The following PAK3 variants were observed in gnomAD, a reference collection of about 807,000 sequenced individuals.
PAK3 encodes serine/threonine-protein kinase PAK 3.
PAK3 carries 4 observed loss-of-function variants against 41.0 expected under a neutral mutation model. The observed-to-expected ratio is 0.10, with a 90% CI of 0.05 to 0.22. The LOEUF is 0.22. Among genes scored for constraint, PAK3 ranks in the 10% least tolerant of loss-of-function variants. The pLI is 1.00. For missense variants in PAK3, 205 were observed against 409.9 expected, an observed-to-expected ratio of 0.50 and a Z score of 4.32; for synonymous variants, 146 against 139.6, an observed-to-expected ratio of 1.05 and a Z score of -0.32.
At chrX:111,126,151 T>TGATA (rs2093645647) in intron 5 of PAK3, among the ~76,000 whole-genome samples, 1 of 111,793 alleles carries the variant, frequency 8.9e-6, no homozygotes, top group African/African-American at 3.2e-5. Flanking sequence ...CCATAATGAG[T>TGATA]GATAGATACA....
At chrX:111,048,286 G>A (rs1356732668) in intron 1 of PAK3, among the ~76,000 whole-genome samples, 1 of 110,229 alleles carries the variant, frequency 9.1e-6, no homozygotes. Flanking sequence ...CACACCCGAC[G>A]GCTCAGTTCT....
chrX:111,067,640 A>T (rs764439445), intron 1 of PAK3, among the ~76,000 whole-genome samples: 8 of 111,981 alleles, frequency 7.1e-5, no homozygotes, highest in African/African-American at 2.6e-4. Context: ...TGAGATGATT[A>T]TGTGATTTGT....
intron 4 of PAK3, 84 bp from the exon 5 acceptor site, chrX:111,122,993 T>C: frequency 1.6e-6 from 1 of 615,208 alleles, no homozygotes; most frequent in South Asian, 2.2e-5. Context: ...ATGCTTTTGT[T>C]TCTAAGATGT....
chrX:111,166,329 C>G (rs12010763), intron 10 of PAK3, among the ~76,000 whole-genome samples: 17,078 of 111,036 alleles, frequency 0.15, 2,724 homozygotes, highest in African/African-American at 0.49. Context: ...TGAGAGATAA[C>G]GTCTGGCTCT....
At chrX:111,096,562 C>T (rs948368284) in intron 1 of PAK3, 147 bp downstream of exon 1, 4 of 111,032 alleles carry the variant, frequency 3.6e-5, no homozygotes, top group African/African-American at 1.3e-4. Context: ...TCCTACGTGG[C>T]TCCCCGGAGC....
intron 1 of PAK3, among the ~76,000 whole-genome samples, chrX:110,979,291 CTTTTCTTTTTT>C (rs1475368790): frequency 1.3e-3 from 26 of 19,823 alleles, no homozygotes; most frequent in South Asian, 0.024. Flanking sequence ...TTCTCTATTA[CTTTTCTTTTTT>C]TTTTTTTTTT....
intron 1 of PAK3, among the ~76,000 whole-genome samples, chrX:110,981,990 A>T (rs1432203124): frequency 9.0e-6 from 1 of 111,055 alleles, no homozygotes; most frequent in Non-Finnish European, 1.9e-5. Context: ...AATTGGGATA[A>T]TGCTGGCAGA....
At chrX:111,084,477 A>T (rs761308488) in intron 1 of PAK3, among the ~76,000 whole-genome samples, 19 of 112,809 alleles carry the variant, frequency 1.7e-4, no homozygotes, top group Non-Finnish European at 3.4e-4. Context: ...AACTGTGAGG[A>T]GGGTTTAAAC....
intron 1 of PAK3, among the ~76,000 whole-genome samples, chrX:110,962,037 C>T (rs1331754901): frequency 8.9e-6 from 1 of 111,970 alleles, no homozygotes; most frequent in Admixed American, 9.5e-5. Context: ...TGAGGAATCT[C>T]TTCTTACTAG....
chrX:111,131,241 A>G (rs2093712881), intron 5 of PAK3, among the ~76,000 whole-genome samples: 1 of 111,606 alleles, frequency 9.0e-6, no homozygotes, highest in African/African-American at 3.3e-5. Flanking sequence ...AATATGGAAT[A>G]TTAAAATAGA....
intron 1 of PAK3, among the ~76,000 whole-genome samples, chrX:111,051,526 C>T (rs1049168915): frequency 9.0e-6 from 1 of 111,730 alleles, no homozygotes; most frequent in Non-Finnish European, 1.9e-5. Flanking sequence ...TTGAACATTT[C>T]GAGATGTTTT....
At chrX:111,101,088 AT>A (rs1364309278) in intron 3 of PAK3, among the ~76,000 whole-genome samples, 2 of 112,213 alleles carry the variant, frequency 1.8e-5, no homozygotes, top group Admixed American at 1.9e-4. Flanking sequence ...ACAGTAGCTT[AT>A]TGACATGATC....
chrX:111,086,478 C>A (rs770139072), intron 1 of PAK3, among the ~76,000 whole-genome samples: 1 of 111,395 alleles, frequency 9.0e-6, no homozygotes, highest in African/African-American at 3.3e-5. Flanking sequence ...TTGCAAAAAA[C>A]CTGAGTTAAG....
intron 1 of PAK3, among the ~76,000 whole-genome samples, chrX:110,962,414 A>G (rs986448050): frequency 3.6e-5 from 4 of 112,342 alleles, no homozygotes; most frequent in African/African-American, 9.7e-5. Context: ...GATTCTCATC[A>G]TCTCTCCTCT....
intron 16 of PAK3, among the ~76,000 whole-genome samples, chrX:111,211,243 G>A (rs1167928476): frequency 1.8e-5 from 2 of 110,512 alleles, no homozygotes; most frequent in African/African-American, 6.6e-5. Flanking sequence ...AGGTGGGCAG[G>A]GGGCAAATCA....
intron 16 of PAK3, among the ~76,000 whole-genome samples, chrX:111,207,741 C>T (rs113525563): frequency 2.4e-4 from 27 of 112,038 alleles, no homozygotes; most frequent in African/African-American, 2.9e-4. Context: ...ATGATCCTGA[C>T]GCTGTCTAGG....
chrX:111,075,221 T>C (rs2092774674), intron 1 of PAK3, among the ~76,000 whole-genome samples: 1 of 112,803 alleles, frequency 8.9e-6, no homozygotes, highest in African/African-American at 3.2e-5. Flanking sequence ...CAAGTGCCAG[T>C]GTCCAAGATA....
At chrX:110,987,390 C>G (rs758976169) in intron 1 of PAK3, among the ~76,000 whole-genome samples, 1 of 111,618 alleles carries the variant, frequency 9.0e-6, no homozygotes, top group Non-Finnish European at 1.9e-5. Flanking sequence ...AGGCAGAAAG[C>G]AACCCATCCC....
chrX:111,026,510 A>C (rs1308845869), intron 1 of PAK3, among the ~76,000 whole-genome samples: 1 of 111,524 alleles, frequency 9.0e-6, no homozygotes, highest in Non-Finnish European at 1.9e-5. Context: ...ATACACCAAC[A>C]GTGACCAAGC....
Sources: allele counts gnomAD v4.1 joint callset (sites outside exome capture counted in the v4.1 genomes callset), GRCh38; gene constraint gnomAD v4.1.1; transcripts MANE v1.5; gene names NCBI Gene and HGNC (gene_info 2026-07-23, HGNC 2026-07-21).